UGT3A1: variants seen among roughly 807,000 people sequenced by gnomAD.
UGT3A1 encodes the protein UDP glycosyltransferase family 3 member A1, also known as UDP-glycosyltransferase 3A1.
A neutral mutation model predicts 37.6 loss-of-function variants in UGT3A1; 40 were observed. That is an observed-to-expected ratio of 1.06 (90% CI 0.83 to 1.38). UGT3A1 has a LOEUF of 1.38. Among genes scored for constraint, UGT3A1 ranks in the 40% most tolerant of loss-of-function variants. UGT3A1 has a pLI of 0.00. For synonymous variants in UGT3A1, 256 were observed against 232.3 expected (o/e 1.10, Z -0.93); for missense variants, 642 against 634.2 (o/e 1.01, Z -0.13).
rs769154105 is a variant in UGT3A1, at chr5:35,954,365, T to G, written c.1409A>C (p.His470Pro). The G allele has an allele frequency of 6.2e-7, 1 of 1,614,152 alleles. No individual in the cohort carries two copies. The highest frequency in any genetic ancestry group is 1.1e-5 in the South Asian group (1 of 91,078). The change falls in exon 7 of 7, where the codon CAC (histidine) becomes CCC (proline). Residue 470 changes from histidine to proline, a missense_variant. Transcript: ENST00000274278. ...CTGCTGGAAGGCATAGGGCTTGAGG[T>G]GCGTCGCTCCCCCAGTCTGGAGGAT... ...DHILQTGGAT[H>P]LKPYAFQQPW...
At chr5:35,961,281 C>T (rs1046920728) in intron 4 of UGT3A1, 1 of 152,174 alleles carries the variant, frequency 6.6e-6, no homozygotes, top group Non-Finnish European at 1.5e-5. Context: ...GAGAAAACAG[C>T]AGTCAGATTC....
At position 35,951,388 on chromosome 5, in the gene UGT3A1, A is replaced by T. The variant is rs1739197924; in HGVS notation, c.*2814T>A. Reference sequence around the variant, plus strand: ...ATTTTTTTCATTATCCCCCATACACATACTTTCCTTTTTCTTATAAAAAAA... The same window carrying T: ...ATTTTTTTCATTATCCCCCATACACTTACTTTCCTTTTTCTTATAAAAAAA... On this transcript the variant is annotated 3_prime_UTR_variant, in exon 7 of 7. Coordinates refer to ENST00000274278, the MANE Select transcript of UGT3A1 (RefSeq NM_152404.4). The T allele has an allele frequency of 6.6e-6, 1 of 152,014 alleles. No homozygotes were observed. The highest frequency in any genetic ancestry group is 6.6e-5 in the Admixed American group (1 of 15,262). 9.4% of individuals were successfully genotyped at this position (152,014 alleles called of 1,614,324 possible).
chr5:35,994,274 T>G (rs1416701921), upstream of UGT3A1, among the ~76,000 whole-genome samples: 1 of 152,084 alleles, frequency 6.6e-6, no homozygotes, highest in Non-Finnish European at 1.5e-5. Flanking sequence ...ATTTGTGTCA[T>G]TATTGTTAGT....
intron 2 of UGT3A1, among the ~76,000 whole-genome samples, chr5:35,970,390 C>CAAA (rs56062143): frequency 7.6e-6 from 1 of 131,910 alleles, no homozygotes; most frequent in African/African-American, 2.8e-5. Context: ...GACTCCATCT[C>CAAA]AAAAAAAAAA....
chr5:35,982,302 G>A (rs1447672819), intron 2 of UGT3A1, among the ~76,000 whole-genome samples: 1 of 152,070 alleles, frequency 6.6e-6, no homozygotes, highest in African/African-American at 2.4e-5. Flanking sequence ...AAAGCTGCAG[G>A]CACTCAACAA....
chr5:35,969,345 G>C (rs904595437), intron 2 of UGT3A1, among the ~76,000 whole-genome samples: 16 of 152,176 alleles, frequency 1.1e-4, no homozygotes, highest in African/African-American at 3.9e-4. Context: ...TACAGCCAAA[G>C]AGATCCTTCA....
intron 1 of UGT3A1, among the ~76,000 whole-genome samples, chr5:35,989,391 G>T (rs1251723178): frequency 6.6e-6 from 1 of 152,174 alleles, no homozygotes; most frequent in African/African-American, 2.4e-5. Flanking sequence ...AAGGTTCTCA[G>T]CAGCAGAAAA....
intron 4 of UGT3A1, among the ~76,000 whole-genome samples, chr5:35,963,930 C>T (rs1374117301): frequency 6.6e-6 from 1 of 152,154 alleles, no homozygotes; most frequent in Non-Finnish European, 1.5e-5. Flanking sequence ...TGAATCGCAC[C>T]TTTAGTGGCT....
intron 1 of UGT3A1, among the ~76,000 whole-genome samples, chr5:35,998,365 G>A (rs1473935062): frequency 6.6e-6 from 1 of 152,168 alleles, no homozygotes; most frequent in Non-Finnish European, 1.5e-5. Flanking sequence ...TTGCCCTTCT[G>A]TACAAGTCTG....
chr5:35,985,079 T>TAAAAAAAAAAAAAAA (rs59401195), intron 2 of UGT3A1, among the ~76,000 whole-genome samples: 21 of 116,012 alleles, frequency 1.8e-4, no homozygotes, highest in African/African-American at 3.2e-4. Context: ...ACATAAAATA[T>TAAAAAAAAAAAAAAA]AAAAAAAAAA....
chr5:35,987,350 GAACACTTGAACCCC>G (rs1169915866), intron 2 of UGT3A1, among the ~76,000 whole-genome samples: 8 of 152,056 alleles, frequency 5.3e-5, no homozygotes, highest in Non-Finnish European at 1.2e-4. Flanking sequence ...AGAAACTCTA[GAACACTTGAACCCC>G]AACACTTGAA....
chr5:35,991,426 T>C (rs1158061476), upstream of UGT3A1: 2 of 1,444,212 alleles, frequency 1.4e-6, no homozygotes, highest in African/African-American at 2.9e-5. Context: ...CCTCCCTGGG[T>C]GCATGCTCCA....
intron 2 of UGT3A1, among the ~76,000 whole-genome samples, chr5:35,971,294 A>C (rs537501677): frequency 1.3e-5 from 2 of 152,320 alleles, no homozygotes; most frequent in East Asian, 3.9e-4. Flanking sequence ...GGGATGTGCC[A>C]TTGCCACACA....
At chr5:35,984,265 C>A (rs1202969935) in intron 2 of UGT3A1, among the ~76,000 whole-genome samples, 1 of 152,046 alleles carries the variant, frequency 6.6e-6, no homozygotes, top group East Asian at 1.9e-4. Flanking sequence ...CAGCAAACAA[C>A]CTGAAAAAGA....
chr5:35,995,060 C>G (rs1020756728), upstream of UGT3A1, among the ~76,000 whole-genome samples: 1 of 152,140 alleles, frequency 6.6e-6, no homozygotes, highest in African/African-American at 2.4e-5. Flanking sequence ...TGGAGAGTAG[C>G]AAAAGGGAGG....
At chr5:35,962,858 C>T (rs1739645123) in intron 4 of UGT3A1, 2 of 701,980 alleles carry the variant, frequency 2.8e-6, no homozygotes, top group African/African-American at 3.5e-5. Context: ...GGTGTTTTTC[C>T]TCCAGATTCT....
intron 2 of UGT3A1, among the ~76,000 whole-genome samples, chr5:35,980,358 T>C (rs1477748996): frequency 1.3e-5 from 2 of 152,204 alleles, no homozygotes; most frequent in Non-Finnish European, 2.9e-5. Flanking sequence ...ATAGAGCTCA[T>C]GGAGAAGGTA....
In UGT3A1 at chr5:35,974,288, A is replaced by G. The variant is rs143779179; in HGVS notation, c.197-6155T>C. Reference sequence around the variant, plus strand: ...TCCAAGGGTCTAATTCCCCAAACTGATTGTGATTATTTCCCCAGATTTGAA... The same window carrying G: ...TCCAAGGGTCTAATTCCCCAAACTGGTTGTGATTATTTCCCCAGATTTGAA... On this transcript the variant is annotated intron_variant, in intron 2 of 6. Coordinates refer to ENST00000274278, the MANE Select transcript of UGT3A1 (RefSeq NM_152404.4). 3.2e-3 allele frequency among the ~76,000 whole-genome samples: 488 copies of G among 152,216 alleles called. 6 individuals are homozygous for G. The highest frequency in any genetic ancestry group is 0.011 in the African/African-American group (456 of 41,534).
rs149418271 is a variant in UGT3A1, at chr5:35,986,894, G to C, written c.196+1556C>G. Among the ~76,000 whole-genome samples the C allele has an allele frequency of 8.4e-3, 1,285 of 152,118 alleles. 17 individuals carry two copies. The highest frequency in any genetic ancestry group is 0.029 in the African/African-American group (1,196 of 41,512). ...ATGCATATCCCAATTACACTGATTT[G>C]ATCCTTACAAATTATATAAATGTAT... is the stretch of plus-strand genomic sequence containing the variant. On this transcript the variant is annotated intron_variant, in intron 2 of 6. Transcript: ENST00000274278.
Sources: gnomAD v4.1 joint callset for allele counts (sites outside exome capture counted in the v4.1 genomes callset) on GRCh38, gnomAD v4.1.1 for gene constraint, MANE v1.5 for transcripts, NCBI Gene and HGNC (gene_info 2026-07-23, HGNC 2026-07-21) for gene names.